Variants in TCF7L1 observed in about 807,000 individuals in gnomAD.
TCF7L1 encodes transcription factor 7 like 1.
In TCF7L1, 18 loss-of-function variants were observed where a neutral mutation model predicts 63.7. The ratio of observed to expected loss-of-function variants is 0.28; its 90% confidence interval spans 0.20 to 0.42. TCF7L1 has a LOEUF of 0.42. TCF7L1 is among the 10% of genes least tolerant of loss of function. TCF7L1 has a pLI of 1.00. For missense variants in TCF7L1, 654 were observed against 779.3 expected, an observed-to-expected ratio of 0.84 and a Z score of 1.91; for synonymous variants, 355 against 340.9, an observed-to-expected ratio of 1.04 and a Z score of -0.46.
chr2:85,179,358 C>T (rs1678747977), intron 3 of TCF7L1, among the ~76,000 whole-genome samples: 1 of 152,166 alleles, frequency 6.6e-6, no homozygotes, highest in South Asian at 2.1e-4. Context: ...AACACACAAG[C>T]TGAGCTCCAT....
At position 85,134,449 on chromosome 2, in the gene TCF7L1, C is replaced by A; in HGVS notation, c.440C>A (p.Thr147Asn). ...NGPLSPGGAR[T>N]YLQMKWPLLD... is the part of the protein sequence containing the mutation. ...CCCCTGTCTCCCGGAGGAGCGCGCACCGTGAGTGCCCGTCGGGCGCGCCGG... is the reference window on the plus strand; with the variant it reads ...CCCCTGTCTCCCGGAGGAGCGCGCAACGTGAGTGCCCGTCGGGCGCGCCGG... Residue 147 changes from threonine (T) to asparagine (N), a missense_variant and splice_region_variant, in exon 3 of 12, where the codon ACC becomes AAC. Physicochemically the swap from Thr to Asn is moderately conservative, Grantham distance 65. Coordinates refer to ENST00000282111, the MANE Select transcript of TCF7L1 (RefSeq NM_031283.3). This position sits in a 1 kb window ranked among gnomAD's most constrained non-coding sequence, Gnocchi z 5.0. The A allele has an allele frequency of 6.4e-7, 1 of 1,552,028 alleles. No homozygotes were observed. Among genetic ancestry groups the A allele is most frequent in the Non-Finnish European group, 8.7e-7 (1 of 1,147,690 alleles).
chr2:85,286,401 G>A (rs993459021), intron 4 of TCF7L1, among the ~76,000 whole-genome samples: 17 of 152,118 alleles, frequency 1.1e-4, no homozygotes, highest in African/African-American at 4.1e-4. Context: ...TAGTGGCCAG[G>A]TATGGTGGCT....
intron 3 of TCF7L1, among the ~76,000 whole-genome samples, chr2:85,278,330 A>G (rs778443603): frequency 3.9e-5 from 6 of 152,238 alleles, no homozygotes; most frequent in Admixed American, 1.3e-4. Context: ...CCACAAGGAC[A>G]CTGATGGCAA....
intron 3 of TCF7L1, among the ~76,000 whole-genome samples, chr2:85,261,123 G>GGTGT (rs3223762): frequency 0.09 from 9,577 of 106,250 alleles, 344 homozygotes; most frequent in Middle Eastern, 0.14. Context: ...AATTATTGCT[G>GGTGT]GTGTGTGTGT....
chr2:85,283,156 G>T (rs1271453718), intron 3 of TCF7L1, among the ~76,000 whole-genome samples: 1 of 152,044 alleles, frequency 6.6e-6, no homozygotes, highest in Non-Finnish European at 1.5e-5. Context: ...CTACAGCATA[G>T]GGAGGGGACT....
chr2:85,165,130 T>A (rs1232840225), intron 3 of TCF7L1, among the ~76,000 whole-genome samples: 1 of 152,232 alleles, frequency 6.6e-6, no homozygotes. Flanking sequence ...ATCCTTGGTT[T>A]GCATTTATAG....
At chr2:85,297,375 C>T (rs767428500) in intron 4 of TCF7L1, among the ~76,000 whole-genome samples, 2 of 152,180 alleles carry the variant, frequency 1.3e-5, no homozygotes, top group Non-Finnish European at 2.9e-5. Flanking sequence ...TTGACCCATC[C>T]GTACAGACCC....
chr2:85,275,690 G>A (rs917520933), intron 3 of TCF7L1, among the ~76,000 whole-genome samples: 5 of 152,042 alleles, frequency 3.3e-5, no homozygotes, highest in Admixed American at 2.0e-4. Flanking sequence ...AGGTGAAGGC[G>A]GGCAGATCAC....
intron 3 of TCF7L1, among the ~76,000 whole-genome samples, chr2:85,258,750 G>A (rs1434454298): frequency 6.6e-6 from 1 of 152,186 alleles, no homozygotes; most frequent in Non-Finnish European, 1.5e-5. Flanking sequence ...CAGATATTGG[G>A]GTTGGGGGGG....
chr2:85,250,905 T>C (rs1187160198), intron 3 of TCF7L1, among the ~76,000 whole-genome samples: 1 of 152,146 alleles, frequency 6.6e-6, no homozygotes, highest in Non-Finnish European at 1.5e-5. Flanking sequence ...TCAGAGCCAC[T>C]AAAGAAAGGC....
chr2:85,150,813 T>A (rs1317350177), intron 3 of TCF7L1, among the ~76,000 whole-genome samples: 1 of 152,210 alleles, frequency 6.6e-6, no homozygotes, highest in Non-Finnish European at 1.5e-5. Flanking sequence ...GGACATACTT[T>A]GAGACTATGT....
At chr2:85,174,394 G>A (rs1015591785) in intron 3 of TCF7L1, among the ~76,000 whole-genome samples, 4 of 152,126 alleles carry the variant, frequency 2.6e-5, no homozygotes, top group African/African-American at 7.2e-5. Flanking sequence ...ATTTGGGTTC[G>A]TTCTACTTCA....
At position 85,201,030 on chromosome 2, in the gene TCF7L1, G is replaced by A. The variant is rs1237588027; in HGVS notation, c.441+66580G>A. On this transcript the variant is annotated intron_variant, in intron 3 of 11. Transcript: ENST00000282111. ...AGCCTGGCCAACATGGTGAAACCCT[G>A]TCTCTACTAAAAAATATAAAAAATT... is the stretch of plus-strand genomic sequence containing the variant. 3.9e-5 allele frequency among the ~76,000 whole-genome samples: 6 copies of A among 152,070 alleles called. No individual in the cohort carries two copies. In the East Asian group the frequency reaches 1.2e-3, roughly 29 times the overall value.
chr2:85,257,147 G>A (rs1166592707), intron 3 of TCF7L1, among the ~76,000 whole-genome samples: 3 of 152,124 alleles, frequency 2.0e-5, no homozygotes, highest in South Asian at 2.1e-4. Flanking sequence ...CCAGGAGTTC[G>A]AGGCTACAGT....
chr2:85,177,729 A>G (rs923418191), intron 3 of TCF7L1, among the ~76,000 whole-genome samples: 3 of 152,174 alleles, frequency 2.0e-5, no homozygotes, highest in Non-Finnish European at 4.4e-5. Flanking sequence ...AAAAAAATGA[A>G]AAAAGGGAAA....
intron 3 of TCF7L1, among the ~76,000 whole-genome samples, chr2:85,257,570 C>G (rs1050427706): frequency 1.3e-5 from 2 of 152,204 alleles, no homozygotes; most frequent in Non-Finnish European, 2.9e-5. Context: ...GCTCCAAGGG[C>G]CCCCCTTGGA....
At chr2:85,137,843 A>T (rs1677630600) in intron 3 of TCF7L1, among the ~76,000 whole-genome samples, 1 of 150,722 alleles carries the variant, frequency 6.6e-6, no homozygotes. Context: ...CAATGAGCTG[A>T]GATTGTGCCA....
chr2:85,282,190 G>T (rs1197522614), intron 3 of TCF7L1, among the ~76,000 whole-genome samples: 1 of 152,144 alleles, frequency 6.6e-6, no homozygotes, highest in East Asian at 1.9e-4. Flanking sequence ...GTTTCACCAT[G>T]TTGGCCAGGC....
intron 3 of TCF7L1, among the ~76,000 whole-genome samples, chr2:85,217,730 A>C (rs879520519): frequency 5.9e-5 from 9 of 152,292 alleles, no homozygotes; most frequent in African/African-American, 1.7e-4. Flanking sequence ...TGGGGCCAGA[A>C]GTGTTTCGCA....
Sources: allele counts gnomAD v4.1 joint callset (sites outside exome capture counted in the v4.1 genomes callset), GRCh38; gene constraint gnomAD v4.1.1; non-coding constraint Gnocchi (gnomAD v3.1); transcripts MANE v1.5; gene names NCBI Gene and HGNC (gene_info 2026-07-23, HGNC 2026-07-21).